The following BORCS5 variants were observed in gnomAD, a reference collection of about 807,000 sequenced individuals.
BORCS5 encodes the protein BLOC-1-related complex subunit 5.
BORCS5 carries 17 observed loss-of-function variants against 22.1 expected under a neutral mutation model. That is an observed-to-expected ratio of 0.77 (90% confidence interval 0.53 to 1.15). The LOEUF is 1.15. Ranked by LOEUF, BORCS5 falls within the 50% of genes most tolerant of loss-of-function variation. BORCS5 has a pLI of 0.00. For synonymous variants in BORCS5, 117 were observed against 99.8 expected (o/e 1.17, Z -1.03); for missense variants, 247 against 253.2 (o/e 0.98, Z 0.17).
At chr12:12,376,829 CTA>C (rs556618873) in intron 2 of BORCS5, among the ~76,000 whole-genome samples, 126 of 152,266 alleles carry the variant, frequency 8.3e-4, no homozygotes, top group Admixed American at 1.2e-3. Flanking sequence ...TGTCACTAGA[CTA>C]AAACAATTGG....
chr12:12,413,535 T>C (rs61923613), intron 2 of BORCS5, among the ~76,000 whole-genome samples: 85,186 of 139,358 alleles, frequency 0.61, 27,610 homozygotes, highest in African/African-American at 0.79. Flanking sequence ...CCACCCTTCC[T>C]GCCTTTCTAT....
chr12:12,388,526 ATG>A (rs1395222887), intron 2 of BORCS5, among the ~76,000 whole-genome samples: 1 of 151,318 alleles, frequency 6.6e-6, no homozygotes, highest in Non-Finnish European at 1.5e-5. Flanking sequence ...TTTTTTTTGG[ATG>A]TGGTCTTCCA....
In BORCS5 at chr12:12,426,506, C is replaced by T. The variant is rs896963666; in HGVS notation, c.203-9122C>T. ...CTGTGTCTACTTTTGGGTGTGACAT[C>T]CTCTGTTCTTGTTTCTTTGGTACCA... On this transcript the variant is annotated intron_variant, in intron 2 of 3. Transcript: ENST00000314565. Among the ~76,000 whole-genome samples the T allele has an allele frequency of 5.9e-5, 9 of 151,784 alleles. 1 individual carries two copies. Among genetic ancestry groups the T allele is most frequent in the Admixed American group, 5.2e-4 (8 of 15,270 alleles).
At position 12,357,251 on chromosome 12, in the gene BORCS5, T is replaced by A. The variant is rs1863160265; in HGVS notation, c.-201T>A. On this transcript the variant is annotated 5_prime_UTR_variant, in exon 1 of 4. Coordinates refer to ENST00000314565, the MANE Select transcript of BORCS5 (RefSeq NM_058169.6). ...GCGCCGCGCCTCCTTGCGTTTCTGT[T>A]CCCCAAATAGGGCCTCTCCTTCTCC... 5 of 1,469,682 alleles carry A rather than the reference T, an allele frequency of 3.4e-6. No homozygotes were observed. The highest frequency in any genetic ancestry group is 2.8e-5 in the African/African-American group (2 of 71,004). The allele number at this position is 1,469,682 out of a possible 1,614,324, so 91.0% of individuals were successfully genotyped here. A position where few individuals can be genotyped will look rare whatever the true frequency, so the allele number is the denominator to read the frequency against.
chr12:12,405,649 T>G (rs1941579636), intron 2 of BORCS5, among the ~76,000 whole-genome samples: 1 of 152,240 alleles, frequency 6.6e-6, no homozygotes, highest in African/African-American at 2.4e-5. Context: ...TTTTTCTTAT[T>G]CTTGAAATAC....
intron 2 of BORCS5, among the ~76,000 whole-genome samples, chr12:12,425,175 A>G (rs534864253): frequency 8.5e-4 from 129 of 152,276 alleles, no homozygotes; most frequent in Non-Finnish European, 1.7e-3. Flanking sequence ...TGCAGTGGGG[A>G]TGGGAGCTTT....
At chr12:12,431,175 C>T (rs111594828) in intron 2 of BORCS5, among the ~76,000 whole-genome samples, 3,040 of 152,282 alleles carry the variant, frequency 0.02, 43 homozygotes, top group Middle Eastern at 0.071. Flanking sequence ...TAACAACTTA[C>T]ACACTAAGCA....
chr12:12,379,829 T>G (rs1177581330), intron 2 of BORCS5, among the ~76,000 whole-genome samples: 2 of 151,446 alleles, frequency 1.3e-5, no homozygotes, highest in Non-Finnish European at 3.0e-5. Flanking sequence ...CTTTAAGAAC[T>G]TGTCCTTTGC....
Position 12,465,802 on chromosome 12 carries a change from G to A in BORCS5, c.*26G>A. ...CTGCTGCCCGGCCTGCCTGGGGCTG[G>A]GAGCCCCAGACACCGACACCCTGAG... On this transcript the variant is annotated 3_prime_UTR_variant, in exon 4 of 4. Coordinates refer to ENST00000314565, the MANE Select transcript of BORCS5 (RefSeq NM_058169.6). 6.3e-7 allele frequency: 1 copy of A among 1,583,938 alleles called. No homozygotes were observed. Among genetic ancestry groups the A allele is most frequent in the Non-Finnish European group, 8.6e-7 (1 of 1,160,294 alleles).
At chr12:12,410,772 T>G (rs191348121) in intron 2 of BORCS5, among the ~76,000 whole-genome samples, 3,939 of 152,280 alleles carry the variant, frequency 0.026, 77 homozygotes, top group African/African-American at 0.052. Context: ...AGAAAGTCAT[T>G]GGTAGCTTGA....
At chr12:12,376,094 T>C (rs1953679876) in intron 2 of BORCS5, among the ~76,000 whole-genome samples, 1 of 150,748 alleles carries the variant, frequency 6.6e-6, no homozygotes, top group South Asian at 2.1e-4. Context: ...TGAGCCACCA[T>C]GCCTGGTCTG....
intron 3 of BORCS5, among the ~76,000 whole-genome samples, chr12:12,461,696 G>A (rs1943108195): frequency 6.6e-6 from 1 of 152,104 alleles, no homozygotes; most frequent in Admixed American, 6.5e-5. Context: ...CTGCATTTCA[G>A]CAGCAGCAGA....
intron 2 of BORCS5, among the ~76,000 whole-genome samples, chr12:12,412,333 A>G (rs907880589): frequency 1.4e-4 from 22 of 152,058 alleles, no homozygotes; most frequent in Admixed American, 9.8e-4. Flanking sequence ...CAAGTCTTTC[A>G]TCTCCTTGGT....
At chr12:12,426,189 G>A (rs1289781898) in intron 2 of BORCS5, among the ~76,000 whole-genome samples, 1 of 152,132 alleles carries the variant, frequency 6.6e-6, no homozygotes, top group Non-Finnish European at 1.5e-5. Context: ...TTCAAACAGA[G>A]AGCAAGCCTG....
intron 2 of BORCS5, among the ~76,000 whole-genome samples, chr12:12,428,251 C>T (rs997841545): frequency 1.3e-5 from 2 of 152,214 alleles, no homozygotes; most frequent in South Asian, 4.1e-4. Flanking sequence ...TTTCCCCCCA[C>T]CTGACATCTC....
chr12:12,436,639 G>GAGA (rs3055702), intron 3 of BORCS5, among the ~76,000 whole-genome samples: 94,608 of 151,798 alleles, frequency 0.62, 30,646 homozygotes, highest in African/African-American at 0.79. Context: ...ACTCTGGTGA[G>GAGA]AGAAGATGGA....
intron 3 of BORCS5, among the ~76,000 whole-genome samples, chr12:12,438,374 A>AAAAAAAAAACAAAAAAC (rs1555156024): frequency 8.0e-6 from 1 of 125,046 alleles, no homozygotes; most frequent in Admixed American, 7.9e-5. Flanking sequence ...AAAAAAAAAA[A>AAAAAAAAAACAAAAAAC]AAAAAACGAA....
At chr12:12,400,261 C>G (rs907234524) in intron 2 of BORCS5, among the ~76,000 whole-genome samples, 2 of 152,184 alleles carry the variant, frequency 1.3e-5, no homozygotes, top group African/African-American at 4.8e-5. Context: ...CAGGCTATTT[C>G]TCTGAGCAGC....
At chr12:12,382,677 C>G (rs969622842) in intron 2 of BORCS5, among the ~76,000 whole-genome samples, 2 of 150,586 alleles carry the variant, frequency 1.3e-5, no homozygotes, top group Non-Finnish European at 3.0e-5. Flanking sequence ...GGATTACAGG[C>G]GCGTGCCAGC....
Sources: allele counts gnomAD v4.1 joint callset (sites outside exome capture counted in the v4.1 genomes callset), GRCh38; gene constraint gnomAD v4.1.1; transcripts MANE v1.5; gene names NCBI Gene and HGNC (gene_info 2026-07-23, HGNC 2026-07-21).